SMAP2: variants seen among roughly 807,000 people sequenced by gnomAD.
SMAP2 encodes stromal membrane-associated protein 2.
SMAP2 carries 25 observed loss-of-function variants against 56.4 expected under a neutral mutation model. The ratio of observed to expected loss-of-function variants is 0.44; its 90% CI spans 0.32 to 0.62. The LOEUF (loss-of-function observed/expected upper bound fraction) is 0.62. Ranked by LOEUF, SMAP2 falls within the 20% of genes least tolerant of loss-of-function variation. The pLI is 0.04. For synonymous variants in SMAP2, 157 were observed against 181.7 expected, an observed-to-expected ratio of 0.86 and a Z score of 1.09; for missense variants, 388 against 545.6, an observed-to-expected ratio of 0.71 and a Z score of 2.88.
intron 1 of SMAP2, among the ~76,000 whole-genome samples, chr1:40,377,131 A>T (rs932077101): frequency 6.6e-6 from 1 of 151,908 alleles, no homozygotes; most frequent in African/African-American, 2.4e-5. Flanking sequence ...ACAAATAGTT[A>T]AAAAATTAGC....
chr1:40,421,353 T>C (rs775601918), intron 9 of SMAP2, among the ~76,000 whole-genome samples: 14 of 152,120 alleles, frequency 9.2e-5, no homozygotes, highest in Admixed American at 2.0e-4. Flanking sequence ...TTCCATCAGA[T>C]TCATGAAGGA....
At chr1:40,414,100 A>G in intron 5 of SMAP2, 59 bp from the exon 6 acceptor site, 1 of 1,494,836 alleles carries the variant, frequency 6.7e-7, no homozygotes, top group Non-Finnish European at 9.3e-7. Context: ...TACAGTGGAG[A>G]TGGGAAAAGA....
At chr1:40,412,562 G>A (rs1242601181) in intron 4 of SMAP2, among the ~76,000 whole-genome samples, 1 of 152,126 alleles carries the variant, frequency 6.6e-6, no homozygotes. Flanking sequence ...TTTTCTGACT[G>A]TTAAAAAAAT....
intron 1 of SMAP2, among the ~76,000 whole-genome samples, chr1:40,401,132 G>A (rs1329425958): frequency 3.3e-5 from 5 of 152,078 alleles, no homozygotes; most frequent in South Asian, 2.1e-4. Flanking sequence ...GCGTGATCGC[G>A]GGCGCCTGTA....
At chr1:40,363,436 A>G (rs1397720236) in intron 2 of SMAP2, among the ~76,000 whole-genome samples, 3 of 152,138 alleles carry the variant, frequency 2.0e-5, no homozygotes, top group Admixed American at 2.0e-4. Flanking sequence ...ACTGTTTGTC[A>G]TTATAAGCCT....
Position 40,374,596 on chromosome 1 carries a change from C to CTT in SMAP2, c.103+373_103+374insTT. 2 of 1,002,126 alleles carry CTT rather than the reference C, an allele frequency of 2.0e-6. No individual in the cohort carries two copies. The highest frequency in any genetic ancestry group is 2.8e-5 in the East Asian group (1 of 35,928). The allele number at this position is 1,002,126 out of a possible 1,614,324, so 62.1% of individuals were successfully genotyped here. ...ACTGCATTGCGTGCGTGCGTGCGTG[C>CTT]GTGTGTGTGTGTGTGTGTGTGTGTG... is the stretch of plus-strand genomic sequence containing the variant. On this transcript the variant is annotated intron_variant, in intron 1 of 9. Coordinates refer to ENST00000372718, the MANE Select transcript of SMAP2 (RefSeq NM_022733.3). The surrounding 1 kb of genome is among the most constrained non-coding windows in gnomAD (Gnocchi z 5.9).
At chr1:40,401,091 C>G (rs1644829095) in intron 1 of SMAP2, among the ~76,000 whole-genome samples, 1 of 152,136 alleles carries the variant, frequency 6.6e-6, no homozygotes, top group South Asian at 2.1e-4. Context: ...AACCCCGTCT[C>G]TACTAAAAAT....
In SMAP2 at chr1:40,374,517, G is replaced by C. The variant is rs1644521997; in HGVS notation, c.103+294G>C. ...TATTTGAGGGCTCTGAATGAGTTCT[G>C]GGCCGGCTGTCCAGAGAGAGCTCCC... On this transcript the variant is annotated intron_variant, in intron 1 of 9. Coordinates refer to ENST00000372718, the MANE Select transcript of SMAP2 (RefSeq NM_022733.3). The surrounding 1 kb of genome is among the most constrained non-coding windows in gnomAD (Gnocchi z 5.9). 1.2e-6 allele frequency: 1 copy of C among 824,988 alleles called. No individual in the cohort carries two copies. The allele number at this position is 824,988 out of a possible 1,614,324, so 51.1% of individuals were successfully genotyped here. A position where few individuals can be genotyped will look rare whatever the true frequency, so the allele number is the denominator to read the frequency against.
intron 1 of SMAP2, among the ~76,000 whole-genome samples, chr1:40,381,985 G>A (rs1368410774): frequency 6.6e-6 from 1 of 152,164 alleles, no homozygotes; most frequent in East Asian, 1.9e-4. Flanking sequence ...GCCTCAAGCA[G>A]GTCATATTTG....
chr1:40,417,227 G>GTT, intron 9 of SMAP2, 131 bp downstream of exon 9: 7 of 499,638 alleles, frequency 1.4e-5, no homozygotes, highest in Admixed American at 4.2e-5. Flanking sequence ...TGTTAGGTTT[G>GTT]CTTTTTTTTT....
intron 1 of SMAP2, among the ~76,000 whole-genome samples, chr1:40,387,161 C>A (rs2124255833): frequency 6.6e-6 from 1 of 152,284 alleles, no homozygotes; most frequent in Non-Finnish European, 1.5e-5. Context: ...CCTTATTTTT[C>A]ATAATTCTTA....
Position 40,345,794 on chromosome 1 carries a change from G to T in SMAP2, c.-83+884G>T, listed in dbSNP as rs570109001. 2.2e-4 allele frequency among the ~76,000 whole-genome samples: 33 copies of T among 148,738 alleles called. No individual in the cohort carries two copies. In the South Asian group the frequency reaches 4.2e-3, roughly 19 times the overall value. On this transcript the variant is annotated intron_variant, in intron 1 of 6. Transcript: ENST00000435168. ...AACGTTAAATTTGCATTTGGCTGGA[G>T]GAGAAAGGAGGGGAAGGTATTATGC...
intron 1 of SMAP2, among the ~76,000 whole-genome samples, chr1:40,360,541 C>T (rs1011356823): frequency 6.8e-6 from 1 of 147,190 alleles, no homozygotes; most frequent in African/African-American, 2.5e-5. Context: ...GACCTCAGGT[C>T]ATCCACCTGC....
chr1:40,374,662 G>A lies in SMAP2; in HGVS notation c.103+439G>A. The A allele has an allele frequency of 6.5e-7, 1 of 1,549,684 alleles. No individual in the cohort carries two copies. Among genetic ancestry groups the A allele is most frequent in the South Asian group, 1.2e-5 (1 of 84,040 alleles). On this transcript the variant is annotated intron_variant, in intron 1 of 9. Transcript: ENST00000372718. The surrounding 1 kb of genome is among the most constrained non-coding windows in gnomAD (Gnocchi z 5.9). ...GAGAGAATGACGAGGAGGAGGAGGA[G>A]GGAAGTGAGATGGCGGAAAGGAAAA...
At chr1:40,354,766 A>ATTTTTTTT (rs1557821399) in intron 1 of SMAP2, among the ~76,000 whole-genome samples, 1 of 58,270 alleles carries the variant, frequency 1.7e-5, no homozygotes, top group East Asian at 6.9e-4. Context: ...CAAAACATTG[A>ATTTTTTTT]ATTTTTTTTT....
At chr1:40,404,106 A>G (rs970618095) in intron 1 of SMAP2, among the ~76,000 whole-genome samples, 1 of 152,214 alleles carries the variant, frequency 6.6e-6, no homozygotes, top group Non-Finnish European at 1.5e-5. Flanking sequence ...TCTGTAAAGA[A>G]TAAAATGAAA....
intron 8 of SMAP2, 42 bp downstream of exon 8, chr1:40,416,383 A>G (rs982808627): frequency 1.3e-6 from 2 of 1,583,242 alleles, no homozygotes; most frequent in Non-Finnish European, 1.7e-6. Context: ...AGGTAGAGAC[A>G]TGAGGGCTTC....
intron 1 of SMAP2, among the ~76,000 whole-genome samples, chr1:40,396,523 C>CT (rs1004807153): frequency 1.3e-4 from 20 of 152,134 alleles, no homozygotes; most frequent in Admixed American, 9.8e-4. Flanking sequence ...AACTTATGCT[C>CT]TTTTTTCAAC....
intron 1 of SMAP2, among the ~76,000 whole-genome samples, chr1:40,378,737 G>A (rs1167549667): frequency 2.6e-5 from 4 of 152,138 alleles, no homozygotes; most frequent in Non-Finnish European, 4.4e-5. Context: ...CCCTTCTTCT[G>A]CTACATCCTA....
Sources: allele counts gnomAD v4.1 joint callset (sites outside exome capture counted in the v4.1 genomes callset), GRCh38; gene constraint gnomAD v4.1.1; non-coding constraint Gnocchi (gnomAD v3.1); transcripts MANE v1.5; gene names NCBI Gene and HGNC (gene_info 2026-07-23, HGNC 2026-07-21).